Variants in ZBTB7C observed in about 807,000 individuals in gnomAD.
ZBTB7C encodes zinc finger and BTB domain containing 7C.
ZBTB7C carries 8 observed loss-of-function variants against 25.7 expected under a neutral mutation model. The ratio of observed to expected loss-of-function variants is 0.31; its 90% CI spans 0.18 to 0.56. The LOEUF (loss-of-function observed/expected upper bound fraction) is 0.56. ZBTB7C is among the 20% of genes least tolerant of loss of function. The pLI is 0.91. For missense variants in ZBTB7C, 824 were observed against 855.2 expected, an observed-to-expected ratio of 0.96 and a Z score of 0.46; for synonymous variants, 394 against 369.0, an observed-to-expected ratio of 1.07 and a Z score of -0.78.
chr18:48,157,637 C>T (rs1026306588), intron 3 of ZBTB7C, among the ~76,000 whole-genome samples: 2 of 152,220 alleles, frequency 1.3e-5, no homozygotes, highest in Non-Finnish European at 2.9e-5. Context: ...CGAAGGCAGA[C>T]TCTGCATCCT....
At chr18:48,397,493 A>T (rs1404248388) in intron 1 of ZBTB7C, among the ~76,000 whole-genome samples, 2 of 152,218 alleles carry the variant, frequency 1.3e-5, no homozygotes, top group Non-Finnish European at 2.9e-5. Flanking sequence ...TATCACCTCA[A>T]GTAAGTTAAC....
chr18:48,225,302 G>A (rs1162174288), intron 2 of ZBTB7C, among the ~76,000 whole-genome samples: 2 of 151,660 alleles, frequency 1.3e-5, no homozygotes, highest in Non-Finnish European at 2.9e-5. Flanking sequence ...GGGAGGAAGC[G>A]AAAAGGGAGA....
intron 3 of ZBTB7C, among the ~76,000 whole-genome samples, chr18:48,167,563 G>GGTGTGTGTGTGTGTGTGTTTGT (rs2041295885): frequency 2.1e-5 from 3 of 142,484 alleles, no homozygotes; most frequent in South Asian, 2.3e-4. Context: ...GCATTGCTAG[G>GGTGTGTGTGTGTGTGTGTTTGT]GTGTGTGTGT....
intron 1 of ZBTB7C, chr18:48,375,476 C>T (rs1025669799): frequency 2.0e-5 from 3 of 152,268 alleles, no homozygotes; most frequent in Non-Finnish European, 4.4e-5. Flanking sequence ...GAAAACCTTC[C>T]AGTTCCCTGC....
Position 48,029,873 on chromosome 18 carries a change from C to G in ZBTB7C, c.1247G>C (p.Gly416Ala). ...GTGGATGCACAGGTAGGGCCGCTCC[C>G]CTGTGTGCTTCCGCATGTGGATTTT... ...KLKIHMRKHTGERPYLCIHCN... is the reference protein window; with the variant it reads ...KLKIHMRKHTAERPYLCIHCN... Residue 416 changes from glycine (G) to alanine (A), a missense_variant, in exon 5 of 5, where the codon GGG becomes GCG. Physicochemically the swap from Gly to Ala is moderately conservative, Grantham distance 60. Around this residue, in one of 4 missense-constraint regions of ZBTB7C, gnomAD observed 342 missense variants for 307.0 expected, o/e 1.11. Transcript: ENST00000590800. The G allele has an allele frequency of 2.5e-6, 4 of 1,611,718 alleles. No individual in the cohort carries two copies. The highest frequency in any genetic ancestry group is 3.4e-6 in the Non-Finnish European group (4 of 1,180,008).
rs118077561 is a variant in ZBTB7C, at chr18:48,400,749, A to C, written c.-304+8477T>G. Among the ~76,000 whole-genome samples, 74 of 152,366 alleles carry C rather than the reference A, an allele frequency of 4.9e-4. No homozygotes were observed. In the East Asian group the frequency reaches 0.014, roughly 28 times the overall value. On this transcript the variant is annotated intron_variant, in intron 1 of 4. Coordinates refer to ENST00000590800, the MANE Select transcript of ZBTB7C (RefSeq NM_001318841.2). ...TGGGTTAAATAAAATATATGATTGA[A>C]GTTAATTTTACCTACTTCTTTTTAC...
At chr18:48,084,089 C>G (rs997743267) in intron 3 of ZBTB7C, among the ~76,000 whole-genome samples, 1 of 152,202 alleles carries the variant, frequency 6.6e-6, no homozygotes, top group African/African-American at 2.4e-5. Context: ...TCCATTACCC[C>G]TGGGTGGGTG....
chr18:48,386,423 GC>G lies in ZBTB7C; in HGVS notation c.-304+22802del, dbSNP rs1330140780. Reference sequence around the variant, plus strand: ...CTTCCATCCACTCAGCAAGTACAGTGCTTACCCTAGACAGTGAGTGGATGTC... The same window carrying G: ...CTTCCATCCACTCAGCAAGTACAGTGTTACCCTAGACAGTGAGTGGATGTC... On this transcript the variant is annotated intron_variant, in intron 1 of 4. Coordinates refer to ENST00000590800, the MANE Select transcript of ZBTB7C (RefSeq NM_001318841.2). 2.6e-4 allele frequency among the ~76,000 whole-genome samples: 21 copies of G among 80,028 alleles called. No homozygotes were observed. The East Asian group carries it at 0.04, about 153-fold the overall frequency. The allele number at this position is 80,028 out of a possible 152,430, so 52.5% of individuals were successfully genotyped here.
chr18:48,268,881 C>T (rs1006473462), intron 2 of ZBTB7C, among the ~76,000 whole-genome samples: 6 of 151,854 alleles, frequency 4.0e-5, no homozygotes, highest in African/African-American at 1.2e-4. Context: ...AAATTTATTG[C>T]TCACAGTTCT....
At chr18:48,207,876 G>C (rs1392987311) in intron 2 of ZBTB7C, among the ~76,000 whole-genome samples, 1 of 152,192 alleles carries the variant, frequency 6.6e-6, no homozygotes, top group Admixed American at 6.5e-5. Flanking sequence ...ACCTTTGAGG[G>C]AGTTCCGACT....
intron 1 of ZBTB7C, among the ~76,000 whole-genome samples, chr18:48,368,735 G>C (rs1488436740): frequency 1.3e-5 from 2 of 152,118 alleles, no homozygotes; most frequent in African/African-American, 4.8e-5. Flanking sequence ...AAACAATTAG[G>C]AGGACAGCAG....
intron 1 of ZBTB7C, among the ~76,000 whole-genome samples, chr18:48,350,241 A>G (rs56412643): frequency 0.53 from 81,258 of 152,054 alleles, 23,192 homozygotes; most frequent in African/African-American, 0.74. Context: ...GCTTAGCTGT[A>G]TTCCTTCCTG....
At chr18:48,121,166 C>A (rs963967831) in intron 3 of ZBTB7C, among the ~76,000 whole-genome samples, 1 of 152,200 alleles carries the variant, frequency 6.6e-6, no homozygotes. Context: ...AGACAGAGAT[C>A]CAGGCCATCA....
At position 48,250,638 on chromosome 18, in the gene ZBTB7C, T is replaced by C. The variant is rs990023549; in HGVS notation, c.-78-64643A>G. Reference sequence around the variant, plus strand: ...TTTGCATGATGTAATTTCCAAGCTCTTTCTGGGAAGAAATTAGCATTGATA... The same window carrying C: ...TTTGCATGATGTAATTTCCAAGCTCCTTCTGGGAAGAAATTAGCATTGATA... On this transcript the variant is annotated intron_variant, in intron 2 of 4. Coordinates refer to ENST00000590800, the MANE Select transcript of ZBTB7C (RefSeq NM_001318841.2). Among the ~76,000 whole-genome samples, 5 of 152,194 alleles carry C rather than the reference T, an allele frequency of 3.3e-5. No individual in the cohort carries two copies. In the East Asian group the frequency reaches 9.6e-4, roughly 29 times the overall value.
chr18:48,322,765 A>G (rs886703852), intron 2 of ZBTB7C, among the ~76,000 whole-genome samples: 3 of 152,226 alleles, frequency 2.0e-5, no homozygotes, highest in African/African-American at 7.2e-5. Context: ...TAGCAGCACA[A>G]TTCGCAATTG....
At chr18:48,236,459 A>G (rs887596535) in intron 2 of ZBTB7C, among the ~76,000 whole-genome samples, 2 of 152,262 alleles carry the variant, frequency 1.3e-5, no homozygotes, top group African/African-American at 4.8e-5. Flanking sequence ...TCAAGAACTC[A>G]ACAAAGGCAC....
intron 1 of ZBTB7C, chr18:48,374,253 G>C (rs2047462542): frequency 6.6e-6 from 1 of 152,216 alleles, no homozygotes; most frequent in Admixed American, 6.5e-5. Context: ...GCCATCAGAG[G>C]ATGTTTACGA....
intron 2 of ZBTB7C, among the ~76,000 whole-genome samples, chr18:48,199,901 C>T (rs1407466440): frequency 6.6e-6 from 1 of 152,174 alleles, no homozygotes; most frequent in Non-Finnish European, 1.5e-5. Context: ...GAGCGCTATA[C>T]TCAAAATGAA....
At chr18:48,253,737 G>A (rs985895231) in intron 2 of ZBTB7C, among the ~76,000 whole-genome samples, 7 of 152,220 alleles carry the variant, frequency 4.6e-5, no homozygotes, top group Admixed American at 1.3e-4. Context: ...CCAAAGCCAG[G>A]AAAAGAACCA....
Sources: gnomAD v4.1 joint callset for allele counts (sites outside exome capture counted in the v4.1 genomes callset) on GRCh38, gnomAD v4.1.1 for gene constraint, gnomAD v4.1.1 regional missense constraint, MANE v1.5 for transcripts, NCBI Gene and HGNC (gene_info 2026-07-23, HGNC 2026-07-21) for gene names.